ADGRB3: variants seen among roughly 807,000 people sequenced by gnomAD.
ADGRB3 encodes the protein adhesion G protein-coupled receptor B3.
In ADGRB3, 37 loss-of-function variants were observed where a neutral mutation model predicts 193.4. The ratio of observed to expected loss-of-function variants is 0.19; its 90% CI spans 0.15 to 0.25. The LOEUF (loss-of-function observed/expected upper bound fraction) is 0.25. Among genes scored for constraint, ADGRB3 ranks in the 10% least tolerant of loss-of-function variants. The probability of loss-of-function intolerance (pLI) is 1.00; values close to 1 mark genes in which losing one functional copy is unlikely to be tolerated. For missense variants in ADGRB3, 1,637 were observed against 1,852.9 expected (o/e 0.88, Z 2.14); for synonymous variants, 690 against 644.2 (o/e 1.07, Z -1.08).
chr6:68,756,049 T>C (rs1766292990), intron 3 of ADGRB3, among the ~76,000 whole-genome samples: 1 of 152,162 alleles, frequency 6.6e-6, no homozygotes, highest in Admixed American at 6.5e-5. Flanking sequence ...CATTGATATA[T>C]GTGTTCTCTA....
At chr6:69,121,762 C>T (rs1368898259) in intron 17 of ADGRB3, among the ~76,000 whole-genome samples, 1 of 149,284 alleles carries the variant, frequency 6.7e-6, no homozygotes, top group African/African-American at 2.5e-5. Flanking sequence ...CGTAGGCGCT[C>T]CTCACCTCCC....
At position 69,047,063 on chromosome 6, in the gene ADGRB3, G is replaced by A. The variant is rs989684899; in HGVS notation, c.2108-1122G>A. 4.6e-5 allele frequency among the ~76,000 whole-genome samples: 7 copies of A among 152,214 alleles called. No homozygotes were observed. In the East Asian group the frequency reaches 9.7e-4, roughly 21 times the overall value. ...TTTAGTAGAGATGGGGTTTCACCATGTTAGCCAGGATGGTCTCGATCTCCT... is the reference window on the plus strand; with the variant it reads ...TTTAGTAGAGATGGGGTTTCACCATATTAGCCAGGATGGTCTCGATCTCCT... On this transcript the variant is annotated intron_variant, in intron 13 of 31. Transcript: ENST00000370598.
intron 3 of ADGRB3, among the ~76,000 whole-genome samples, chr6:68,917,186 G>T (rs1374456284): frequency 2.0e-5 from 3 of 152,116 alleles, no homozygotes; most frequent in Non-Finnish European, 4.4e-5. Flanking sequence ...GGAGTTGGGA[G>T]AAAGATAAGA....
At chr6:68,843,055 A>AC (rs1582246733) in intron 3 of ADGRB3, among the ~76,000 whole-genome samples, 2 of 151,832 alleles carry the variant, frequency 1.3e-5, no homozygotes, top group East Asian at 1.9e-4. Context: ...CAACAACAAA[A>AC]AAAAAAACAG....
chr6:69,277,277 G>A (rs543585429), intron 20 of ADGRB3, among the ~76,000 whole-genome samples: 2 of 152,204 alleles, frequency 1.3e-5, no homozygotes, highest in East Asian at 1.9e-4. Flanking sequence ...ACAGGTGTGA[G>A]CCATGGCGCC....
chr6:69,101,260 G>A (rs1486553759), intron 17 of ADGRB3, among the ~76,000 whole-genome samples: 6 of 151,992 alleles, frequency 3.9e-5, no homozygotes, highest in African/African-American at 1.2e-4. Context: ...AAGGGTTAAC[G>A]CATATAGCAT....
At chr6:69,182,829 A>G (rs1050040006) in intron 17 of ADGRB3, among the ~76,000 whole-genome samples, 1 of 152,082 alleles carries the variant, frequency 6.6e-6, no homozygotes, top group African/African-American at 2.4e-5. Flanking sequence ...TCAGGCTATC[A>G]TCATAACATT....
At chr6:69,287,634 C>T (rs1767580467) in intron 20 of ADGRB3, among the ~76,000 whole-genome samples, 1 of 152,286 alleles carries the variant, frequency 6.6e-6, no homozygotes, top group Admixed American at 6.5e-5. Flanking sequence ...AGGTTAAGCT[C>T]ATGGAGAGAA....
At position 68,638,849 on chromosome 6, in the gene ADGRB3, G is replaced by C. The variant is rs1318446610; in HGVS notation, c.174G>C (p.Thr58=). ...FPKNFTNCTW[T]LENPDPTKYS... is the part of the protein sequence containing the mutation. ...AAAACTTTACAAACTGCACTTGGAC[G>C]CTGGAAAATCCAGATCCAACCAAAT... The change falls in exon 3 of 32, where the codon ACG becomes ACC. Residue 58 remains threonine, a synonymous_variant. Coordinates refer to ENST00000370598, the MANE Select transcript of ADGRB3 (RefSeq NM_001704.3). 1 of 1,614,022 alleles carries C rather than the reference G, an allele frequency of 6.2e-7. No homozygotes were observed. The highest frequency in any genetic ancestry group is 1.7e-5 in the Admixed American group (1 of 59,998).
chr6:69,317,885 A>G (rs1468163625), intron 20 of ADGRB3, among the ~76,000 whole-genome samples: 13 of 151,502 alleles, frequency 8.6e-5, no homozygotes, highest in Non-Finnish European at 1.9e-4. Flanking sequence ...CATTGTTGCT[A>G]ATATAGAAAA....
intron 27 of ADGRB3, 35 bp from the exon 28 acceptor site, chr6:69,355,786 A>G: frequency 1.3e-6 from 2 of 1,559,568 alleles, no homozygotes; most frequent in South Asian, 1.1e-5. Context: ...TCTTCATTAA[A>G]TGATGGTTCT....
chr6:68,680,704 C>T (rs1484642163), intron 3 of ADGRB3, among the ~76,000 whole-genome samples: 1 of 152,130 alleles, frequency 6.6e-6, no homozygotes, highest in Non-Finnish European at 1.5e-5. Flanking sequence ...GTTCATTCTT[C>T]CTTTGAGGCA....
At chr6:69,238,094 G>A (rs766071949) in intron 19 of ADGRB3, among the ~76,000 whole-genome samples, 5 of 152,032 alleles carry the variant, frequency 3.3e-5, no homozygotes, top group Admixed American at 6.6e-5. Flanking sequence ...TCAAAGACAG[G>A]GAGAGAGAGA....
At position 69,260,626 on chromosome 6, in the gene ADGRB3, T is replaced by C. The variant is rs562882997; in HGVS notation, c.2814+21400T>C. 1.1e-4 allele frequency among the ~76,000 whole-genome samples: 16 copies of C among 152,236 alleles called. 1 individual carries two copies. The South Asian group carries it at 2.7e-3, about 26-fold the overall frequency. On this transcript the variant is annotated intron_variant, in intron 20 of 31. Transcript: ENST00000370598. Reference sequence around the variant, plus strand: ...GAAATATGTGGGTATATATTTGGTGTCTGGGGTGGAGTATGAAAAGAGTTG... The same window carrying C: ...GAAATATGTGGGTATATATTTGGTGCCTGGGGTGGAGTATGAAAAGAGTTG...
At chr6:69,331,052 T>G (rs916378002) in intron 23 of ADGRB3, among the ~76,000 whole-genome samples, 4 of 152,168 alleles carry the variant, frequency 2.6e-5, no homozygotes, top group African/African-American at 9.7e-5. Context: ...AGAGGCCGTC[T>G]TATGTGTTTT....
intron 3 of ADGRB3, among the ~76,000 whole-genome samples, chr6:68,676,142 C>T (rs976967190): frequency 6.6e-6 from 1 of 151,952 alleles, no homozygotes; most frequent in Non-Finnish European, 1.5e-5. Flanking sequence ...CTTGTAATCC[C>T]AGCACTTTGG....
intron 17 of ADGRB3, among the ~76,000 whole-genome samples, chr6:69,100,964 A>AGG (rs1773036478): frequency 3.1e-5 from 2 of 64,610 alleles, no homozygotes; most frequent in African/African-American, 6.6e-5. Context: ...GGAGGGAGGG[A>AGG]GAAAGGGAAG....
At chr6:68,726,433 A>C (rs1765675233) in intron 3 of ADGRB3, among the ~76,000 whole-genome samples, 2 of 151,572 alleles carry the variant, frequency 1.3e-5, no homozygotes, top group African/African-American at 4.8e-5. Flanking sequence ...CATGAACAGA[A>C]AGATAGAGGT....
At position 69,366,034 on chromosome 6, in the gene ADGRB3, G is replaced by A. The variant is rs575254352; in HGVS notation, c.4239+4522G>A. ...TCACAATATTAGAAAAAATGTTATG[G>A]CCTCACTCAGGAACTGGGGCACTCT... On this transcript the variant is annotated intron_variant, in intron 29 of 31. Transcript: ENST00000370598. Among the ~76,000 whole-genome samples the A allele has an allele frequency of 1.5e-4, 23 of 152,082 alleles. No individual in the cohort carries two copies. In the South Asian group the frequency reaches 4.4e-3, roughly 29 times the overall value.
Sources: gnomAD v4.1 joint callset for allele counts (sites outside exome capture counted in the v4.1 genomes callset) on GRCh38, gnomAD v4.1.1 for gene constraint, MANE v1.5 for transcripts, NCBI Gene and HGNC (gene_info 2026-07-23, HGNC 2026-07-21) for gene names.